FADS3: variants seen among roughly 807,000 people sequenced by gnomAD.
The protein encoded by FADS3 is fatty acid desaturase 3.
FADS3 carries 30 observed loss-of-function variants against 60.4 expected under a neutral mutation model. The ratio of observed to expected loss-of-function variants is 0.50; its 90% confidence interval spans 0.37 to 0.67. The LOEUF (loss-of-function observed/expected upper bound fraction) is 0.67. Among genes scored for constraint, FADS3 ranks in the 30% least tolerant of loss-of-function variants. FADS3 has a pLI of 0.00. For missense variants in FADS3, 432 were observed against 598.3 expected (o/e 0.72, Z 2.90); for synonymous variants, 234 against 249.3 (o/e 0.94, Z 0.58).
At chr11:61,874,553 T>C (rs1294395941) in intron 11 of FADS3, among the ~76,000 whole-genome samples, 1 of 152,170 alleles carries the variant, frequency 6.6e-6, no homozygotes, top group Non-Finnish European at 1.5e-5. Context: ...CCACTTCGAC[T>C]CCTGCCCGCC....
In FADS3 at chr11:61,876,950, G is replaced by A. The variant is rs1400330876; in HGVS notation, c.899C>T (p.Ala300Val). ...GAAGAAGCGGGCATAGAAGCTGGCG[G>A]CCCAGAGCAAATCCTGCAGAGGAGG... ...VCMQWADLLWAASFYARFFLS... is the reference protein window; with the variant it reads ...VCMQWADLLWVASFYARFFLS... Residue 300 changes from alanine to valine, a missense_variant, in exon 8 of 12, where the codon GCC becomes GTC. By Grantham distance (64) the Ala-to-Val change is moderately conservative. This residue lies in a region of FADS3 where 38 missense variants were observed against 34.8 expected (regional missense o/e 1.09). Coordinates refer to ENST00000278829, the MANE Select transcript of FADS3 (RefSeq NM_021727.5). This position sits in a 1 kb window ranked among gnomAD's most constrained non-coding sequence, Gnocchi z 5.7. The A allele has an allele frequency of 1.2e-6, 2 of 1,602,812 alleles. No homozygotes were observed. Among genetic ancestry groups the A allele is most frequent in the Admixed American group, 3.4e-5 (2 of 58,172 alleles).
rs74627774 is a variant in FADS3, at chr11:61,884,917, C to T, written c.214-4766G>A. Among the ~76,000 whole-genome samples the T allele has an allele frequency of 8.4e-3, 1,286 of 152,252 alleles. 12 individuals carry two copies. Among genetic ancestry groups the T allele is most frequent in the African/African-American group, 0.028 (1,165 of 41,534 alleles). ...TGTTCACAGTGGCATCCTCAGAGGC[C>T]GGCACAGAGCAGCTGCTCAACAGCA... On this transcript the variant is annotated intron_variant, in intron 1 of 11. Coordinates refer to ENST00000278829, the MANE Select transcript of FADS3 (RefSeq NM_021727.5).
chr11:61,876,263 T>A lies in FADS3; in HGVS notation c.1081-73A>T. 6.3e-7 allele frequency: 1 copy of A among 1,574,964 alleles called. No homozygotes were observed. The highest frequency in any genetic ancestry group is 8.6e-7 in the Non-Finnish European group (1 of 1,157,560). ...TGACCCCACGGCACCATCCCCCACC[T>A]GGCAGCCCCGTCAGGGCCTCATCCC... On this transcript the variant is annotated intron_variant, in intron 9 of 11. Transcript: ENST00000278829. This position sits in a 1 kb window ranked among gnomAD's most constrained non-coding sequence, Gnocchi z 5.7.
At position 61,880,642 on chromosome 11, in the gene FADS3, G is replaced by C. The variant is rs543825428; in HGVS notation, c.214-491C>G. Reference sequence around the variant, plus strand: ...ACTGAGGACCACTGGGTCACGGGGCGGGGGGATCAGTCAAGGGCGACACAC... The same window carrying C: ...ACTGAGGACCACTGGGTCACGGGGCCGGGGGATCAGTCAAGGGCGACACAC... On this transcript the variant is annotated intron_variant, in intron 1 of 11. Coordinates refer to ENST00000278829, the MANE Select transcript of FADS3 (RefSeq NM_021727.5). 6 of 153,844 alleles carry C rather than the reference G, an allele frequency of 3.9e-5. No individual in the cohort carries two copies. The South Asian group carries it at 1.2e-3, about 31-fold the overall frequency. The allele number at this position is 153,844 out of a possible 1,614,324, so 9.5% of individuals were successfully genotyped here.
intron 1 of FADS3, among the ~76,000 whole-genome samples, chr11:61,883,140 A>G (rs996516793): frequency 6.6e-6 from 1 of 152,200 alleles, no homozygotes; most frequent in Non-Finnish European, 1.5e-5. Context: ...AACCATCACC[A>G]TCATCCAGCT....
chr11:61,877,370 ACT>A lies in FADS3; in HGVS notation c.885+139_885+140del. ...TGCTGCGCGCACACATGTGAGCCAC[ACT>A]GTTGCACGCATACATGTGAGCCACA... On this transcript the variant is annotated intron_variant, in intron 7 of 11. Coordinates refer to ENST00000278829, the MANE Select transcript of FADS3 (RefSeq NM_021727.5). The surrounding 1 kb of genome is among the most constrained non-coding windows in gnomAD (Gnocchi z 4.7). 1 of 659,576 alleles carries A rather than the reference ACT, an allele frequency of 1.5e-6. No individual in the cohort carries two copies. The highest frequency in any genetic ancestry group is 1.7e-5 in the South Asian group (1 of 59,924). The allele number at this position is 659,576 out of a possible 1,614,324, so 40.9% of individuals were successfully genotyped here.
chr11:61,875,756 G>A, intron 11 of FADS3, 95 bp downstream of exon 11: 1 of 1,473,484 alleles, frequency 6.8e-7, no homozygotes, highest in African/African-American at 1.4e-5. Flanking sequence ...AAAGGCTCAG[G>A]GACCCTGGGG....
intron 1 of FADS3, among the ~76,000 whole-genome samples, chr11:61,883,299 CAT>C (rs754541232): frequency 2.2e-4 from 34 of 152,356 alleles, no homozygotes; most frequent in Non-Finnish European, 3.5e-4. Context: ...GGAGAAATCA[CAT>C]GTTTGTTCCT....
Position 61,877,610 on chromosome 11 carries a change from G to A in FADS3, c.809-23C>T, listed in dbSNP as rs377121948. ...CGACTGCAAGAAGGGGCATGAGAGTGTTCAGGAGTGGGGCTGGGCTGCCAA... is the reference window on the plus strand; with the variant it reads ...CGACTGCAAGAAGGGGCATGAGAGTATTCAGGAGTGGGGCTGGGCTGCCAA... On this transcript the variant is annotated intron_variant, in intron 6 of 11. Transcript: ENST00000278829. This position sits in a 1 kb window ranked among gnomAD's most constrained non-coding sequence, Gnocchi z 4.7. 4 of 1,610,896 alleles carry A rather than the reference G, an allele frequency of 2.5e-6. No individual in the cohort carries two copies. The highest frequency in any genetic ancestry group is 4.5e-5 in the East Asian group (2 of 44,832).
Position 61,876,238 on chromosome 11 carries a change from T to C in FADS3, c.1081-48A>G, listed in dbSNP as rs774004703. 23 of 1,575,576 alleles carry C rather than the reference T, an allele frequency of 1.5e-5. No individual in the cohort carries two copies. Among genetic ancestry groups the C allele is most frequent in the Non-Finnish European group, 2.0e-5 (23 of 1,159,634 alleles). On this transcript the variant is annotated intron_variant, in intron 9 of 11. Coordinates refer to ENST00000278829, the MANE Select transcript of FADS3 (RefSeq NM_021727.5). The surrounding 1 kb of genome is among the most constrained non-coding windows in gnomAD (Gnocchi z 5.7). ...ATGTGAGGAGGCCGTTGCAGATCCC[T>C]GACCCCACGGCACCATCCCCCACCT...
chr11:61,878,269 C>A, intron 5 of FADS3, 54 bp from the exon 6 acceptor site: 2 of 1,584,914 alleles, frequency 1.3e-6, no homozygotes, highest in South Asian at 2.2e-5. Context: ...ACCTCCTTCT[C>A]CCGGGCAAGG....
rs1038605706 is a variant in FADS3 at position 61,882,432 on chromosome 11, T to A, written c.214-2281A>T. Reference sequence around the variant, plus strand: ...CCCAGCCCAGAAAAACACTGAAAAATTTTTTTGAGACAGGGCCTCACTCTG... The same window carrying A: ...CCCAGCCCAGAAAAACACTGAAAAAATTTTTTGAGACAGGGCCTCACTCTG... On this transcript the variant is annotated intron_variant, in intron 1 of 11. Coordinates refer to ENST00000278829, the MANE Select transcript of FADS3 (RefSeq NM_021727.5). 3 of 149,202 alleles carry A rather than the reference T, an allele frequency of 2.0e-5. No individual in the cohort carries two copies. The East Asian group carries it at 6.0e-4, about 30-fold the overall frequency. The allele number at this position is 149,202 out of a possible 1,614,324, so 9.2% of individuals were successfully genotyped here.
chr11:61,887,369 C>T (rs1446583480), intron 1 of FADS3, among the ~76,000 whole-genome samples: 1 of 152,186 alleles, frequency 6.6e-6, no homozygotes, highest in African/African-American at 2.4e-5. Context: ...AGGTCTCCAT[C>T]CTCCCTTCTC....
At chr11:61,888,825 T>C (rs1261706599) in intron 1 of FADS3, among the ~76,000 whole-genome samples, 1 of 152,184 alleles carries the variant, frequency 6.6e-6, no homozygotes, top group East Asian at 1.9e-4. Flanking sequence ...AGGAGTGACA[T>C]GCCTGCTTCA....
In FADS3 at chr11:61,873,738, GA is replaced by G; in HGVS notation, c.*75del. 9.9e-7 allele frequency: 1 copy of G among 1,009,918 alleles called. No individual in the cohort carries two copies. The highest frequency in any genetic ancestry group is 1.5e-6 in the Non-Finnish European group (1 of 650,636). 62.6% of individuals were successfully genotyped at this position (1,009,918 alleles called of 1,614,324 possible). On this transcript the variant is annotated 3_prime_UTR_variant, in exon 12 of 12. Transcript: ENST00000278829. ...CCCCCAGGCTGGCCAGTGGAGGGGT[GA>G]GGGTATCGATCCCGCCGGGGGCTGG... is the stretch of plus-strand genomic sequence containing the variant.
Position 61,891,284 on chromosome 11 carries a change from T to A in FADS3, c.98A>T (p.Gln33Leu), listed in dbSNP as rs892683511. 1.6e-5 allele frequency: 24 copies of A among 1,536,766 alleles called. No homozygotes were observed. The highest frequency in any genetic ancestry group is 1.2e-4 in the Admixed American group (6 of 51,050). Residue 33 changes from glutamine (Q) to leucine (L), a missense_variant, in exon 1 of 12, where the codon CAG becomes CTG. Transcript: ENST00000278829. ...GATGACCAGCCACTTGTCGCCGGGC[T>A]GGTCGTGCGCGCGGATCTGCTCCCA... ...FCWEQIRAHD[Q>L]PGDKWLVIER...
intron 11 of FADS3, among the ~76,000 whole-genome samples, chr11:61,875,240 C>A (rs1937822822): frequency 6.6e-6 from 1 of 152,194 alleles, no homozygotes; most frequent in Non-Finnish European, 1.5e-5. Flanking sequence ...GAGTCTTGCT[C>A]TGTTGCCCAG....
chr11:61,877,490 G>A lies in FADS3; in HGVS notation c.885+21C>T. 6.2e-7 allele frequency: 1 copy of A among 1,610,326 alleles called. No homozygotes were observed. Among genetic ancestry groups the A allele is most frequent in the Non-Finnish European group, 8.5e-7 (1 of 1,178,894 alleles). ...CTGCCACGGCAGCCGTATGCCCGGG[G>A]TCCTGGGCAACCCCACTCACCGCCC... On this transcript the variant is annotated intron_variant, in intron 7 of 11. Transcript: ENST00000278829. The surrounding 1 kb of genome is among the most constrained non-coding windows in gnomAD (Gnocchi z 4.7).
chr11:61,888,588 G>A (rs529844584), intron 1 of FADS3, among the ~76,000 whole-genome samples: 44 of 152,306 alleles, frequency 2.9e-4, no homozygotes, highest in East Asian at 7.7e-4. Context: ...AGATAGGACC[G>A]TAACCAAATA....
Sources: allele counts gnomAD v4.1 joint callset (sites outside exome capture counted in the v4.1 genomes callset), GRCh38; gene constraint gnomAD v4.1.1; regional missense constraint gnomAD v4.1.1; non-coding constraint Gnocchi (gnomAD v3.1); transcripts MANE v1.5; gene names NCBI Gene and HGNC (gene_info 2026-07-23, HGNC 2026-07-21).